HRH1: variants seen among roughly 807,000 people sequenced by gnomAD.
HRH1 encodes histamine receptor H1.
HRH1 carries 6 observed loss-of-function variants against 10.3 expected under a neutral mutation model. That is an observed-to-expected ratio of 0.58 (90% CI 0.32 to 1.15). The LOEUF is 1.15. HRH1 is among the 50% of genes most tolerant of loss of function. The pLI is 0.05. For synonymous variants in HRH1, 242 were observed against 236.7 expected (o/e 1.02, Z -0.21); for missense variants, 514 against 615.3 (o/e 0.84, Z 1.74).
At chr3:11,144,182 C>T (rs1472863227) in intron 1 of HRH1, among the ~76,000 whole-genome samples, 2 of 151,916 alleles carry the variant, frequency 1.3e-5, no homozygotes, top group Admixed American at 6.6e-5. Flanking sequence ...CCCTTTGATC[C>T]AGCAATCTCA....
chr3:11,225,667 C>A (rs1178427579), intron 1 of HRH1, among the ~76,000 whole-genome samples: 1 of 152,232 alleles, frequency 6.6e-6, no homozygotes, highest in African/African-American at 2.4e-5. Context: ...GAATTACAAC[C>A]TAGCTTTATT....
intron 1 of HRH1, among the ~76,000 whole-genome samples, chr3:11,188,508 T>C (rs1331939972): frequency 6.6e-6 from 1 of 152,148 alleles, no homozygotes; most frequent in Non-Finnish European, 1.5e-5. Flanking sequence ...TGAGCTGAGA[T>C]TGCGCCACTG....
At chr3:11,172,089 GAC>G (rs1444151120) in intron 1 of HRH1, among the ~76,000 whole-genome samples, 2 of 152,216 alleles carry the variant, frequency 1.3e-5, no homozygotes, top group Non-Finnish European at 2.9e-5. Flanking sequence ...GGAAAATGAT[GAC>G]ACAGTCTCCC....
At chr3:11,178,393 C>T (rs41385546) in intron 1 of HRH1, among the ~76,000 whole-genome samples, 3,503 of 152,284 alleles carry the variant, frequency 0.023, 56 homozygotes, top group Middle Eastern at 0.044. Flanking sequence ...CCTTATTTCC[C>T]CGTTGGGTGC....
chr3:11,240,404 C>A (rs948524933), intron 1 of HRH1, among the ~76,000 whole-genome samples: 6 of 152,042 alleles, frequency 3.9e-5, no homozygotes, highest in Admixed American at 2.6e-4. Flanking sequence ...GAGTCTGCAG[C>A]AGTTGGTAGA....
In HRH1 at chr3:11,171,039, T is replaced by C. The variant is rs116808224; in HGVS notation, c.-36+16485T>C. Among the ~76,000 whole-genome samples, 896 of 151,996 alleles carry C rather than the reference T, an allele frequency of 5.9e-3. 9 individuals are homozygous for C. Among genetic ancestry groups the C allele is most frequent in the African/African-American group, 0.02 (825 of 41,328 alleles). ...CCCTGTCTTTTTCTAACCTAGAATC[T>C]CTTCATCAAAATGTGTCTGTTTAAG... On this transcript the variant is annotated intron_variant, in intron 1 of 1. Transcript: ENST00000431010.
chr3:11,223,183 CAAAAAAAA>C (rs58149660), intron 1 of HRH1, among the ~76,000 whole-genome samples: 38 of 26,806 alleles, frequency 1.4e-3, no homozygotes, highest in African/African-American at 4.5e-3. Context: ...GACTTCGTCT[CAAAAAAAA>C]AAAAAAAAAA....
chr3:11,171,022 T>C (rs1368070771), intron 1 of HRH1, among the ~76,000 whole-genome samples: 1 of 152,062 alleles, frequency 6.6e-6, no homozygotes, highest in Non-Finnish European at 1.5e-5. Context: ...CTCCCTGTCT[T>C]TTTCTAACCT....
rs1486571976 is a variant in HRH1 at position 11,261,225 on chromosome 3, A to G, written c.*724A>G. The G allele has an allele frequency of 1.2e-5, 2 of 167,106 alleles. No homozygotes were observed. Among genetic ancestry groups the G allele is most frequent in the African/African-American group, 4.8e-5 (2 of 41,468 alleles). The allele number at this position is 167,106 out of a possible 1,614,324, so 10.4% of individuals were successfully genotyped here. ...CTTTAACCCCAAATTTCCTTTGGCT[A>G]TTAAAAAAGTGGTGGCAAAAGACAT... On this transcript the variant is annotated 3_prime_UTR_variant, in exon 2 of 2. Transcript: ENST00000431010.
At chr3:11,233,067 A>G (rs908494731) in intron 1 of HRH1, among the ~76,000 whole-genome samples, 9 of 152,110 alleles carry the variant, frequency 5.9e-5, no homozygotes, top group African/African-American at 2.2e-4. Flanking sequence ...TTTAATTATT[A>G]TGTGCTTTGA....
intron 1 of HRH1, among the ~76,000 whole-genome samples, chr3:11,140,939 T>C (rs962689917): frequency 6.6e-6 from 1 of 152,202 alleles, no homozygotes; most frequent in Non-Finnish European, 1.5e-5. Context: ...ACATTATGCA[T>C]AAGCATCTGA....
At chr3:11,182,283 G>A (rs955582023) in intron 1 of HRH1, among the ~76,000 whole-genome samples, 3 of 152,064 alleles carry the variant, frequency 2.0e-5, no homozygotes, top group African/African-American at 7.2e-5. Flanking sequence ...CGCCCGGCCC[G>A]TAAAAATTCT....
chr3:11,183,371 G>A (rs1265408326), intron 1 of HRH1, among the ~76,000 whole-genome samples: 3 of 152,190 alleles, frequency 2.0e-5, no homozygotes, highest in Admixed American at 2.0e-4. Flanking sequence ...TGACCCTAGG[G>A]ACACTTGGCA....
At chr3:11,237,140 T>C (rs1939201553) in intron 1 of HRH1, among the ~76,000 whole-genome samples, 1 of 152,224 alleles carries the variant, frequency 6.6e-6, no homozygotes, top group Admixed American at 6.5e-5. Context: ...GTGTAATCAC[T>C]GTGTCCTTGT....
intron 1 of HRH1, among the ~76,000 whole-genome samples, chr3:11,161,323 G>C (rs1396978870): frequency 6.6e-6 from 1 of 152,190 alleles, no homozygotes; most frequent in African/African-American, 2.4e-5. Context: ...ATTTTCACTT[G>C]GTTTGCTCTT....
At chr3:11,223,283 G>C (rs2125040925) in intron 1 of HRH1, among the ~76,000 whole-genome samples, 1 of 148,276 alleles carries the variant, frequency 6.7e-6, no homozygotes, top group South Asian at 2.1e-4. Flanking sequence ...CACAAGGTTA[G>C]GAGATCGAGA....
chr3:11,220,280 G>T (rs1938663657), intron 1 of HRH1, among the ~76,000 whole-genome samples: 1 of 152,124 alleles, frequency 6.6e-6, no homozygotes, highest in South Asian at 2.1e-4. Flanking sequence ...GAAACCCCAA[G>T]TGCCACTGTC....
chr3:11,209,246 G>A (rs896938992), intron 1 of HRH1, among the ~76,000 whole-genome samples: 1 of 151,992 alleles, frequency 6.6e-6, no homozygotes, highest in Non-Finnish European at 1.5e-5. Flanking sequence ...CTTATGCCAC[G>A]ATGCCTGACT....
intron 1 of HRH1, among the ~76,000 whole-genome samples, chr3:11,209,458 C>T (rs1343920104): frequency 6.6e-6 from 1 of 152,036 alleles, no homozygotes; most frequent in Non-Finnish European, 1.5e-5. Context: ...TTCTTTGTAC[C>T]TTTAGTTTGA....
Sources: gnomAD v4.1 joint callset for allele counts (sites outside exome capture counted in the v4.1 genomes callset) on GRCh38, gnomAD v4.1.1 for gene constraint, MANE v1.5 for transcripts, NCBI Gene and HGNC (gene_info 2026-07-23, HGNC 2026-07-21) for gene names.